The following MSRA variants were observed in gnomAD, a reference collection of about 807,000 sequenced individuals.
The protein encoded by MSRA is mitochondrial peptide methionine sulfoxide reductase.
MSRA carries 54 observed loss-of-function variants against 31.3 expected under a neutral mutation model. That is an observed-to-expected ratio of 1.73 (90% CI 1.39 to 2.17). The LOEUF (loss-of-function observed/expected upper bound fraction) is 2.17. Among genes scored for constraint, MSRA ranks in the 30% most tolerant of loss-of-function variants. MSRA has a pLI of 0.00. For missense variants in MSRA, 507 were observed against 300.9 expected (o/e 1.69, Z -5.07); for synonymous variants, 169 against 116.5 (o/e 1.45, Z -2.90).
intron 3 of MSRA, among the ~76,000 whole-genome samples, chr8:10,265,047 G>A (rs1039211301): frequency 1.3e-5 from 2 of 152,288 alleles, no homozygotes; most frequent in Admixed American, 6.5e-5. Flanking sequence ...CTTTAATTCA[G>A]GAAGCAAGAG....
intron 4 of MSRA, among the ~76,000 whole-genome samples, chr8:10,306,190 G>A (rs1801130835): frequency 6.6e-6 from 1 of 152,036 alleles, no homozygotes; most frequent in Non-Finnish European, 1.5e-5. Context: ...CCAACCACAT[G>A]ATTTTGGCCA....
intron 1 of MSRA, among the ~76,000 whole-genome samples, chr8:10,192,536 A>G (rs1807598851): frequency 6.6e-6 from 1 of 152,256 alleles, no homozygotes; most frequent in Admixed American, 6.5e-5. Flanking sequence ...GTTGTTGTGC[A>G]ACAAGGGAGT....
At chr8:10,143,180 G>A (rs1347920089) in intron 1 of MSRA, among the ~76,000 whole-genome samples, 2 of 152,160 alleles carry the variant, frequency 1.3e-5, no homozygotes, top group Non-Finnish European at 2.9e-5. Flanking sequence ...CGGGGAAAGA[G>A]GAGCTGAAAT....
chr8:10,205,284 G>A (rs1808857234), intron 1 of MSRA, among the ~76,000 whole-genome samples: 1 of 152,134 alleles, frequency 6.6e-6, no homozygotes, highest in Non-Finnish European at 1.5e-5. Context: ...GGGCTAGGGA[G>A]GCTTCGGTAA....
At chr8:10,313,432 A>G (rs1343713835) in intron 4 of MSRA, among the ~76,000 whole-genome samples, 4 of 152,136 alleles carry the variant, frequency 2.6e-5, no homozygotes, top group Admixed American at 1.3e-4. Context: ...TTTACCAGGA[A>G]CTGGTACCTT....
At chr8:10,183,405 G>A (rs1806720873) in intron 1 of MSRA, among the ~76,000 whole-genome samples, 1 of 152,158 alleles carries the variant, frequency 6.6e-6, no homozygotes. Flanking sequence ...TTACAAAGTA[G>A]CTGAGATGCC....
Position 10,383,975 on chromosome 8 carries a change from C to T in MSRA, c.544-44173C>T, listed in dbSNP as rs554463720. ...CCAGGGGCTCAGAGGGTGAGGGCTG[C>T]AGCCACATTCACGTTCTGATGCCTG... On this transcript the variant is annotated intron_variant, in intron 5 of 5. Coordinates refer to ENST00000317173, the MANE Select transcript of MSRA (RefSeq NM_012331.5). Among the ~76,000 whole-genome samples, 173 of 152,300 alleles carry T rather than the reference C, an allele frequency of 1.1e-3. 1 individual carries two copies. The highest frequency in any genetic ancestry group is 0.01 in the Middle Eastern group (3 of 294).
intron 1 of MSRA, among the ~76,000 whole-genome samples, chr8:10,173,939 G>A (rs1018980515): frequency 1.4e-4 from 22 of 152,210 alleles, no homozygotes; most frequent in African/African-American, 5.1e-4. Context: ...TGTGGGTTTG[G>A]TTGGCTGAGG....
At position 10,086,883 on chromosome 8, in the gene MSRA, AGAGAGG is replaced by A. The variant is rs3061509; in HGVS notation, c.142+32249_142+32254del. Among the ~76,000 whole-genome samples, 532 of 150,122 alleles carry A rather than the reference AGAGAGG, an allele frequency of 3.5e-3. 2 individuals carry two copies. The highest frequency in any genetic ancestry group is 0.01 in the Middle Eastern group (3 of 294). On this transcript the variant is annotated intron_variant, in intron 1 of 5. Transcript: ENST00000317173. ...AGAAGAGAGGGAGGGAGAGGGAGAG[AGAGAGG>A]GAGAGGGAGAGGGAGAGGGAGAGAG...
intron 1 of MSRA, among the ~76,000 whole-genome samples, chr8:10,185,734 C>A (rs1489468410): frequency 1.3e-5 from 2 of 152,202 alleles, no homozygotes; most frequent in African/African-American, 4.8e-5. Context: ...GAGGCCTGAA[C>A]TGACCATTCA....
intron 5 of MSRA, among the ~76,000 whole-genome samples, chr8:10,328,882 G>A (rs1035529959): frequency 6.6e-6 from 1 of 152,172 alleles, no homozygotes; most frequent in Non-Finnish European, 1.5e-5. Context: ...GTATTTCAAA[G>A]TTGATCCCTT....
intron 5 of MSRA, among the ~76,000 whole-genome samples, chr8:10,354,707 A>G (rs1804401014): frequency 6.8e-6 from 1 of 147,484 alleles, no homozygotes; most frequent in Non-Finnish European, 1.5e-5. Flanking sequence ...TCATTTCATG[A>G]ATATCTTTTC....
chr8:10,111,912 C>T (rs1800318310), intron 1 of MSRA, among the ~76,000 whole-genome samples: 2 of 152,194 alleles, frequency 1.3e-5, no homozygotes, highest in Admixed American at 1.3e-4. Context: ...TGGGGACCAG[C>T]TGGTCCTTGC....
At chr8:10,410,714 T>G (rs1808104539) in intron 5 of MSRA, among the ~76,000 whole-genome samples, 1 of 152,168 alleles carries the variant, frequency 6.6e-6, no homozygotes, top group Non-Finnish European at 1.5e-5. Context: ...CCTGGAGATA[T>G]TTTAAGGAGT....
Position 10,149,115 on chromosome 8 carries a change from C to T in MSRA, c.143-58718C>T, listed in dbSNP as rs572522962. Among the ~76,000 whole-genome samples the T allele has an allele frequency of 7.3e-4, 92 of 126,452 alleles. 1 individual carries two copies. The highest frequency in any genetic ancestry group is 2.3e-3 in the African/African-American group (83 of 36,254). 83.0% of individuals were successfully genotyped at this position (126,452 alleles called of 152,430 possible). A position where few individuals can be genotyped will look rare whatever the true frequency, so the allele number is the denominator to read the frequency against. On this transcript the variant is annotated intron_variant, in intron 1 of 5. Coordinates refer to ENST00000317173, the MANE Select transcript of MSRA (RefSeq NM_012331.5). ...GGATTATAGGCACATGCCACCACAC[C>T]TGGCTAACTTTTTTTTTTTTTTTTA...
At chr8:10,216,007 G>C (rs1255967363) in intron 2 of MSRA, among the ~76,000 whole-genome samples, 2 of 152,012 alleles carry the variant, frequency 1.3e-5, no homozygotes, top group African/African-American at 4.8e-5. Flanking sequence ...GAGAAACATA[G>C]GTATAGAGAA....
intron 5 of MSRA, among the ~76,000 whole-genome samples, chr8:10,342,667 C>T (rs1803503258): frequency 1.3e-5 from 2 of 152,186 alleles, no homozygotes; most frequent in Admixed American, 1.3e-4. Flanking sequence ...CCTCCGAGTC[C>T]AGCGCAGTTC....
At chr8:10,297,228 C>T (rs1800593689) in intron 3 of MSRA, among the ~76,000 whole-genome samples, 1 of 152,160 alleles carries the variant, frequency 6.6e-6, no homozygotes, top group Admixed American at 6.5e-5. Context: ...CAAGGAATGG[C>T]TGCCTTTAAT....
intron 4 of MSRA, among the ~76,000 whole-genome samples, chr8:10,315,264 A>G (rs1801647859): frequency 6.6e-6 from 1 of 152,226 alleles, no homozygotes; most frequent in Non-Finnish European, 1.5e-5. Flanking sequence ...ACCATATCAC[A>G]GGCCAAACTA....
Sources: gnomAD v4.1 joint callset for allele counts (sites outside exome capture counted in the v4.1 genomes callset) on GRCh38, gnomAD v4.1.1 for gene constraint, MANE v1.5 for transcripts, NCBI Gene and HGNC (gene_info 2026-07-23, HGNC 2026-07-21) for gene names.